The following KIF27 variants were observed in gnomAD, a reference collection of about 807,000 sequenced individuals.
KIF27 encodes kinesin-like protein KIF27.
In KIF27, 84 loss-of-function variants were observed where a neutral mutation model predicts 141.8. The ratio of observed to expected loss-of-function variants is 0.59; its 90% confidence interval spans 0.50 to 0.71. The LOEUF (loss-of-function observed/expected upper bound fraction) is 0.71. Ranked by LOEUF, KIF27 falls within the 30% of genes least tolerant of loss-of-function variation. The probability of loss-of-function intolerance (pLI) is 0.00; values close to 1 mark genes in which losing one functional copy is unlikely to be tolerated. For synonymous variants in KIF27, 471 were observed against 569.5 expected (o/e 0.83, Z 2.46); for missense variants, 1,306 against 1,628.4 (o/e 0.80, Z 3.41).
At chr9:83,869,092 G>A (rs1950573922) in intron 12 of KIF27, among the ~76,000 whole-genome samples, 1 of 152,018 alleles carries the variant, frequency 6.6e-6, no homozygotes, top group African/African-American at 2.4e-5. Flanking sequence ...CACTTAAAAG[G>A]AAAAAACCTA....
intron 5 of KIF27, among the ~76,000 whole-genome samples, chr9:83,891,903 A>C (rs1311845554): frequency 1.3e-5 from 2 of 152,196 alleles, no homozygotes; most frequent in Admixed American, 1.3e-4. Context: ...CAGAGTTTGC[A>C]GCAAAGGAGG....
At chr9:83,870,270 G>C (rs1029103344) in intron 12 of KIF27, among the ~76,000 whole-genome samples, 3 of 151,964 alleles carry the variant, frequency 2.0e-5, no homozygotes, top group African/African-American at 7.3e-5. Flanking sequence ...GGGTTCAAGC[G>C]ATTCTCCTGC....
chr9:83,862,099 C>T (rs1949978211), intron 13 of KIF27, among the ~76,000 whole-genome samples: 3 of 151,204 alleles, frequency 2.0e-5, no homozygotes, highest in South Asian at 2.1e-4. Context: ...GAGTAGATTG[C>T]AAAAATTTTC....
At chr9:83,855,944 C>A (rs1949151824) in intron 14 of KIF27, among the ~76,000 whole-genome samples, 1 of 152,136 alleles carries the variant, frequency 6.6e-6, no homozygotes, top group South Asian at 2.1e-4. Context: ...AAGGACAGCC[C>A]GCTCCAGTGA....
intron 14 of KIF27, chr9:83,858,884 A>C (rs1405652968): frequency 2.7e-5 from 12 of 436,912 alleles, no homozygotes; most frequent in Middle Eastern, 1.3e-3. Context: ...CCAGCTGAGG[A>C]GGCAAATATA....
At position 83,903,981 on chromosome 9, in the gene KIF27, T is replaced by C. The variant is rs1327213659; in HGVS notation, c.537A>G (p.Ala179=). 5 of 1,613,458 alleles carry C rather than the reference T, an allele frequency of 3.1e-6. No individual in the cohort carries two copies. The highest frequency in any genetic ancestry group is 3.4e-6 in the Non-Finnish European group (4 of 1,179,648). The part of the protein sequence containing the change: ...VGAKECHVES[A]GEVMSLLEMG... Reference sequence around the variant, plus strand: ...TCTCCAAAAGACTCATCACTTCACCTGCACTCTCCACATGGCATTCCTTGG... The same window carrying C: ...TCTCCAAAAGACTCATCACTTCACCCGCACTCTCCACATGGCATTCCTTGG... Residue 179 remains alanine (A), a synonymous_variant, in exon 4 of 18, where the codon GCA becomes GCG. Transcript: ENST00000297814.
intron 13 of KIF27, among the ~76,000 whole-genome samples, chr9:83,862,546 G>T (rs1950027546): frequency 6.6e-6 from 1 of 152,088 alleles, no homozygotes; most frequent in African/African-American, 2.4e-5. Context: ...CTCTGTTTTG[G>T]TACCAGTACC....
intron 12 of KIF27, chr9:83,868,652 C>G (rs1420901661): frequency 1.3e-5 from 2 of 151,942 alleles, no homozygotes; most frequent in Admixed American, 6.6e-5. Context: ...AGCACTGCCA[C>G]CAAAACAACA....
rs555878943 is a variant in KIF27, at chr9:83,837,133, C to T, written c.4074G>A (p.Leu1358=). 92 of 1,614,058 alleles carry T rather than the reference C, an allele frequency of 5.7e-5. No homozygotes were observed. In the South Asian group the frequency reaches 9.0e-4, roughly 16 times the overall value. ...GRLHGVTPVK[L]CRKELRQISA... ...AAATTTGACGTAATTCTTTTCGACA[C>T]AGTTTTACAGGTGTGACACCATGAA... The change falls in exon 18 of 18, where the codon CTG becomes CTA. Residue 1358 remains leucine, a synonymous_variant. Coordinates refer to ENST00000297814, the MANE Select transcript of KIF27 (RefSeq NM_017576.4).
intron 16 of KIF27, among the ~76,000 whole-genome samples, chr9:83,843,272 ATAACT>A (rs1364394491): frequency 6.8e-6 from 1 of 147,370 alleles, no homozygotes; most frequent in Non-Finnish European, 1.5e-5. Flanking sequence ...ATGCCACAAT[ATAACT>A]TAAAGTTTCT....
At chr9:83,890,028 T>A (rs1274188049) in intron 6 of KIF27, among the ~76,000 whole-genome samples, 1 of 152,244 alleles carries the variant, frequency 6.6e-6, no homozygotes, top group South Asian at 2.1e-4. Flanking sequence ...AATCTCAAGA[T>A]GACTTCTCTC....
intron 14 of KIF27, among the ~76,000 whole-genome samples, chr9:83,854,496 G>A (rs975859779): frequency 2.6e-5 from 4 of 152,190 alleles, no homozygotes; most frequent in East Asian, 1.9e-4. Context: ...ATAGGGCAAC[G>A]TAGTATTTTT....
chr9:83,901,601 G>A (rs1348207226), intron 4 of KIF27, among the ~76,000 whole-genome samples: 1 of 152,188 alleles, frequency 6.6e-6, no homozygotes, highest in African/African-American at 2.4e-5. Context: ...TTGGCCGGGT[G>A]CGGTGGCTCA....
At chr9:83,869,223 T>C (rs1294152998) in intron 12 of KIF27, among the ~76,000 whole-genome samples, 3 of 152,166 alleles carry the variant, frequency 2.0e-5, no homozygotes, top group African/African-American at 7.2e-5. Context: ...AGAATAAATC[T>C]TTCTAAAGTA....
At position 83,899,552 on chromosome 9, in the gene KIF27, C is replaced by T. The variant is rs1588238570; in HGVS notation, c.1602+109G>A. 1.1e-5 allele frequency: 9 copies of T among 842,600 alleles called. No individual in the cohort carries two copies. In the East Asian group the frequency reaches 2.2e-4, roughly 21 times the overall value. The allele number at this position is 842,600 out of a possible 1,614,324, so 52.2% of individuals were successfully genotyped here. On this transcript the variant is annotated intron_variant, in intron 5 of 17. Coordinates refer to ENST00000297814, the MANE Select transcript of KIF27 (RefSeq NM_017576.4). ...TCAGGTGCCTATGTTCAGAACTCTT[C>T]AAATGAACATCCTTTTTTTAAGTTC...
At chr9:83,848,658 T>C (rs1375851136) in intron 16 of KIF27, 7 of 150,892 alleles carry the variant, frequency 4.6e-5, no homozygotes, top group Non-Finnish European at 1.5e-5. Flanking sequence ...GATCCTTGAT[T>C]AATACAGATG....
At chr9:83,845,765 G>A (rs1947193396) in intron 16 of KIF27, among the ~76,000 whole-genome samples, 1 of 152,224 alleles carries the variant, frequency 6.6e-6, no homozygotes, top group African/African-American at 2.4e-5. Context: ...ATGGGCTGTA[G>A]CCAGTGGTTT....
chr9:83,853,361 C>A (rs1221088697), intron 15 of KIF27, among the ~76,000 whole-genome samples: 1 of 152,012 alleles, frequency 6.6e-6, no homozygotes, highest in East Asian at 1.9e-4. Flanking sequence ...AACTTAAATT[C>A]TTTGGTTTTA....
intron 1 of KIF27, among the ~76,000 whole-genome samples, chr9:83,918,328 G>A (rs1013519056): frequency 6.8e-6 from 1 of 145,996 alleles, no homozygotes; most frequent in Non-Finnish European, 1.5e-5. Flanking sequence ...AGAAATGGGG[G>A]GGGGGCAGGA....
Sources: gnomAD v4.1 joint callset for allele counts (sites outside exome capture counted in the v4.1 genomes callset) on GRCh38, gnomAD v4.1.1 for gene constraint, MANE v1.5 for transcripts, NCBI Gene and HGNC (gene_info 2026-07-23, HGNC 2026-07-21) for gene names.